The following LOXHD1 variants were observed in gnomAD, a reference collection of about 807,000 sequenced individuals.
LOXHD1 encodes the protein lipoxygenase homology domain-containing protein 1.
Under a neutral mutation model 248.2 loss-of-function variants are expected in LOXHD1, and 205 were observed. The observed-to-expected ratio is 0.83, with a 90% CI of 0.74 to 0.93. The LOEUF is 0.93. LOXHD1 is among the 40% of genes least tolerant of loss of function. The probability of loss-of-function intolerance (pLI) is 0.00; values close to 1 mark genes in which losing one functional copy is unlikely to be tolerated. For missense variants in LOXHD1, 2,930 were observed against 2,971.6 expected (o/e 0.99, Z 0.33); for synonymous variants, 1,113 against 1,162.8 (o/e 0.96, Z 0.87).
At chr18:46,493,341 A>G (rs1377890372) in intron 37 of LOXHD1, among the ~76,000 whole-genome samples, 1 of 152,222 alleles carries the variant, frequency 6.6e-6, no homozygotes, top group African/African-American at 2.4e-5. Flanking sequence ...ACTTTCTGTC[A>G]ATAATGATAT....
At chr18:46,645,674 A>G (rs2039020340) in intron 2 of LOXHD1, among the ~76,000 whole-genome samples, 1 of 152,180 alleles carries the variant, frequency 6.6e-6, no homozygotes, top group Admixed American at 6.5e-5. Context: ...ATCTAAGTCC[A>G]CTGAGTACCA....
chr18:46,623,179 A>G (rs1011463571), intron 4 of LOXHD1, among the ~76,000 whole-genome samples: 1 of 152,210 alleles, frequency 6.6e-6, no homozygotes, highest in South Asian at 2.1e-4. Context: ...TCCCTTTCTC[A>G]AGACATTTTA....
At chr18:46,592,683 T>C in intron 10 of LOXHD1, 99 bp from the exon 11 acceptor site, 1 of 981,574 alleles carries the variant, frequency 1.0e-6, no homozygotes, top group South Asian at 1.4e-5. Flanking sequence ...CTTTGGGCTC[T>C]TTCTTCAGCA....
Position 46,477,693 on chromosome 18 carries a change from C to T in LOXHD1, c.6601G>A (p.Gly2201Ser). 1 of 1,551,906 alleles carries T rather than the reference C, an allele frequency of 6.4e-7. No individual in the cohort carries two copies. The highest frequency in any genetic ancestry group is 8.7e-7 in the Non-Finnish European group (1 of 1,147,036). The change falls in exon 41 of 41, where the codon GGC (glycine) becomes AGC (serine). Residue 2201 changes from glycine (G) to serine (S), a missense_variant. By Grantham distance (56) the Gly-to-Ser change is moderately conservative (BLOSUM62 0). Transcript: ENST00000642948. ...TCCAGGAAGAAGCGGTCTGTGCTGC[C>T]CCGCTCGAAGAGGTTGCGCATTTTC... The part of the protein sequence containing the change: ...KQKMRNLFER[G>S]STDRFFLETL...
At chr18:46,547,722 C>G (rs1046347086) in intron 21 of LOXHD1, among the ~76,000 whole-genome samples, 2 of 152,156 alleles carry the variant, frequency 1.3e-5, no homozygotes, top group African/African-American at 4.8e-5. Context: ...AATTTTGGCT[C>G]TACCACTAAT....
chr18:46,536,781 G>A (rs1447160561), intron 26 of LOXHD1, among the ~76,000 whole-genome samples: 1 of 152,196 alleles, frequency 6.6e-6, no homozygotes, highest in African/African-American at 2.4e-5. Flanking sequence ...GAGAAGGTGG[G>A]AAGAGAGCAA....
intron 13 of LOXHD1, among the ~76,000 whole-genome samples, chr18:46,578,548 AT>A (rs33912945): frequency 0.79 from 120,527 of 152,152 alleles, 48,310 homozygotes; most frequent in Non-Finnish European, 0.86. Flanking sequence ...TGCTCAGATT[AT>A]TTTTTGCCAC....
rs971847548 is a variant in LOXHD1, at chr18:46,547,056, T to C, written c.3353A>G (p.Tyr1118Cys). The C allele has an allele frequency of 5.2e-6, 8 of 1,551,604 alleles. No homozygotes were observed. Among genetic ancestry groups the C allele is most frequent in the Non-Finnish European group, 7.0e-6 (8 of 1,146,998 alleles). The change falls in exon 22 of 41, where the codon TAC becomes TGC. Residue 1118 changes from tyrosine (Y) to cysteine (C), a missense_variant and splice_region_variant. Tyr to Cys is a radical substitution (Grantham distance 194). Transcript: ENST00000642948. ...CAGCCAACGTTGGCATGGAAAGTAGTACCTGTGGGGGTGGATAGGGAAAGA... is the reference window on the plus strand; with the variant it reads ...CAGCCAACGTTGGCATGGAAAGTAGCACCTGTGGGGGTGGATAGGGAAAGA... ...DITDMNNEIT[Y>C]YFPCQRWLAV...
intron 16 of LOXHD1, among the ~76,000 whole-genome samples, chr18:46,568,387 C>G (rs1229250995): frequency 6.6e-6 from 1 of 152,188 alleles, no homozygotes; most frequent in Non-Finnish European, 1.5e-5. Context: ...TCTAGCCAGG[C>G]TCCTGAACCC....
At chr18:46,478,019 C>A in intron 40 of LOXHD1, 67 bp from the exon 41 acceptor site, 1 of 1,490,950 alleles carries the variant, frequency 6.7e-7, no homozygotes, top group Non-Finnish European at 9.0e-7. Context: ...TGCTCCCTCC[C>A]CCAGATCCCC....
intron 34 of LOXHD1, among the ~76,000 whole-genome samples, chr18:46,510,393 A>C (rs1244544255): frequency 1.3e-5 from 2 of 152,236 alleles, no homozygotes; most frequent in Non-Finnish European, 2.9e-5. Flanking sequence ...GTAAAGCAGT[A>C]GGCAAATAGA....
intron 14 of LOXHD1, among the ~76,000 whole-genome samples, chr18:46,573,333 G>A (rs1392309799): frequency 1.3e-5 from 2 of 152,160 alleles, no homozygotes; most frequent in Admixed American, 1.3e-4. Flanking sequence ...CTATCACACT[G>A]GGCACGGAGA....
rs1045196676 is a variant in LOXHD1, at chr18:46,521,287, G to A, written c.5086-5C>T. ...GGAGGCCCCGTCATGGCCCAGCTAG[G>A]AGGAGACACACCTGATCTGTGACGA... is the stretch of plus-strand genomic sequence containing the variant. On this transcript the variant is annotated splice_polypyrimidine_tract_variant and splice_region_variant and intron_variant, in intron 32 of 40. Coordinates refer to ENST00000642948, the MANE Select transcript of LOXHD1 (RefSeq NM_001384474.1). 140 of 1,551,526 alleles carry A rather than the reference G, an allele frequency of 9.0e-5. No homozygotes were observed. The highest frequency in any genetic ancestry group is 1.2e-4 in the Non-Finnish European group (137 of 1,146,996).
chr18:46,569,240 C>A (rs1221892382), intron 16 of LOXHD1, among the ~76,000 whole-genome samples: 1 of 152,222 alleles, frequency 6.6e-6, no homozygotes, highest in African/African-American at 2.4e-5. Context: ...ATATCTTCAG[C>A]TGCTCTAGGT....
intron 6 of LOXHD1, among the ~76,000 whole-genome samples, chr18:46,605,862 C>A (rs1446789404): frequency 6.6e-6 from 1 of 152,164 alleles, no homozygotes; most frequent in Non-Finnish European, 1.5e-5. Flanking sequence ...GATACCAAGT[C>A]TGAATAAGAC....
intron 1 of LOXHD1, among the ~76,000 whole-genome samples, chr18:46,656,613 A>G (rs328184): frequency 0.34 from 51,420 of 152,086 alleles, 9,394 homozygotes; most frequent in East Asian, 0.46. Flanking sequence ...GGGGATGTTC[A>G]GGAGCTGGAG....
intron 14 of LOXHD1, 81 bp downstream of exon 14, chr18:46,577,626 T>C (rs2037882944): frequency 4.8e-6 from 7 of 1,465,720 alleles, no homozygotes; most frequent in East Asian, 2.5e-5. Context: ...TTGCTGGTCA[T>C]GGTAGTAGGG....
chr18:46,641,188 T>C (rs1188021846), intron 3 of LOXHD1, among the ~76,000 whole-genome samples: 1 of 151,718 alleles, frequency 6.6e-6, no homozygotes, highest in Non-Finnish European at 1.5e-5. Flanking sequence ...GCAAAGAGAG[T>C]TCGTGATATT....
In LOXHD1 at chr18:46,577,827, A is replaced by G. The variant is rs912261522; in HGVS notation, c.1850T>C (p.Val617Ala). The stretch of plus-strand genomic sequence containing the variant: ...ATCGTGTCTGATCCTCACCCGCCTC[A>G]CATTCCGCATGGTGACAGACTCGAT... Reference protein sequence around the residue: ...FTIESVTMRNVRRVRIRHDGK... With the variant: ...FTIESVTMRNARRVRIRHDGK... Residue 617 changes from valine to alanine, a missense_variant, in exon 14 of 41, where the codon GTG (valine) becomes GCG (alanine). Transcript: ENST00000642948. 1.1e-5 allele frequency: 17 copies of G among 1,551,660 alleles called. No homozygotes were observed. Among genetic ancestry groups the G allele is most frequent in the Non-Finnish European group, 1.5e-5 (17 of 1,147,002 alleles).
Sources: gnomAD v4.1 joint callset for allele counts (sites outside exome capture counted in the v4.1 genomes callset) on GRCh38, gnomAD v4.1.1 for gene constraint, MANE v1.5 for transcripts, NCBI Gene and HGNC (gene_info 2026-07-23, HGNC 2026-07-21) for gene names.